The following NTRK3 variants were observed in gnomAD, a reference collection of about 807,000 sequenced individuals.
NTRK3 encodes NT-3 growth factor receptor.
NTRK3 carries 24 observed loss-of-function variants against 91.7 expected under a neutral mutation model. That is an observed-to-expected ratio of 0.26 (90% CI 0.19 to 0.37). NTRK3 has a LOEUF of 0.37. NTRK3 is among the 10% of genes least tolerant of loss of function. The probability of loss-of-function intolerance (pLI) is 1.00; values close to 1 mark genes in which losing one functional copy is unlikely to be tolerated. For synonymous variants in NTRK3, 483 were observed against 404.0 expected (o/e 1.20, Z -2.34); for missense variants, 880 against 1,068.9 (o/e 0.82, Z 2.46).
chr15:87,971,058 A>G (rs764950861), intron 14 of NTRK3, among the ~76,000 whole-genome samples: 21 of 152,210 alleles, frequency 1.4e-4, no homozygotes, highest in Non-Finnish European at 2.5e-4. Flanking sequence ...ATCTCCTGTT[A>G]TGGTAGCAAG....
At chr15:87,892,681 C>T (rs755781301) in intron 17 of NTRK3, among the ~76,000 whole-genome samples, 38 of 152,102 alleles carry the variant, frequency 2.5e-4, no homozygotes, top group Non-Finnish European at 4.0e-4. Context: ...AAACCAAAAA[C>T]ACTTAACATC....
chr15:88,030,531 A>G (rs1321467895), intron 14 of NTRK3, among the ~76,000 whole-genome samples: 1 of 152,214 alleles, frequency 6.6e-6, no homozygotes, highest in Non-Finnish European at 1.5e-5. Context: ...TGATCACGAG[A>G]TCATATTCTG....
At chr15:87,987,062 C>A (rs1313737191) in intron 14 of NTRK3, among the ~76,000 whole-genome samples, 1 of 152,248 alleles carries the variant, frequency 6.6e-6, no homozygotes, top group East Asian at 1.9e-4. Flanking sequence ...TCAGCATCAG[C>A]TGGTAGTTGG....
chr15:87,952,911 C>T (rs1210767913), intron 14 of NTRK3, among the ~76,000 whole-genome samples: 5 of 151,816 alleles, frequency 3.3e-5, no homozygotes, highest in Admixed American at 3.3e-4. Flanking sequence ...TGATGGGGAA[C>T]AAGGTCGGAG....
At chr15:88,093,317 G>A (rs1391064331) in intron 13 of NTRK3, among the ~76,000 whole-genome samples, 1 of 152,116 alleles carries the variant, frequency 6.6e-6, no homozygotes, top group Non-Finnish European at 1.5e-5. Flanking sequence ...AGGGGGGAAG[G>A]AAGAAAGGAA....
chr15:87,992,596 T>G (rs1416566778), intron 14 of NTRK3, among the ~76,000 whole-genome samples: 2 of 152,256 alleles, frequency 1.3e-5, no homozygotes, highest in African/African-American at 2.4e-5. Flanking sequence ...CTATAAGCAC[T>G]TTCACTTGCC....
chr15:87,912,437 G>C (rs997077491), intron 17 of NTRK3, among the ~76,000 whole-genome samples: 1 of 152,110 alleles, frequency 6.6e-6, no homozygotes, highest in South Asian at 2.1e-4. Flanking sequence ...ACAGTCTGGG[G>C]ATTGATCACT....
intron 15 of NTRK3, among the ~76,000 whole-genome samples, chr15:87,937,520 T>C (rs1435400): frequency 0.14 from 21,272 of 152,052 alleles, 1,652 homozygotes; most frequent in South Asian, 0.24. Flanking sequence ...AAACTAGAAA[T>C]TGTGACTACT....
At chr15:87,940,560 T>C in intron 15 of NTRK3, 63 bp downstream of exon 15, 2 of 1,609,788 alleles carry the variant, frequency 1.2e-6, no homozygotes, top group Non-Finnish European at 1.7e-6. Context: ...GGGAGCCTCT[T>C]CCTTCCCTCC....
At chr15:88,161,071 G>A (rs2044408133) in intron 5 of NTRK3, among the ~76,000 whole-genome samples, 2 of 152,214 alleles carry the variant, frequency 1.3e-5, no homozygotes, top group African/African-American at 4.8e-5. Flanking sequence ...GGTACTCAAT[G>A]CATGGCTGCT....
At chr15:88,062,389 A>T (rs2046299052) in intron 13 of NTRK3, among the ~76,000 whole-genome samples, 1 of 152,210 alleles carries the variant, frequency 6.6e-6, no homozygotes, top group Non-Finnish European at 1.5e-5. Context: ...TCTTCCCAAC[A>T]TAAAGACTAC....
intron 14 of NTRK3, among the ~76,000 whole-genome samples, chr15:88,019,881 G>C (rs1017942076): frequency 2.0e-5 from 3 of 152,300 alleles, no homozygotes; most frequent in Middle Eastern, 3.4e-3. Context: ...TGTACTTTCA[G>C]TCAAAAGGAT....
At chr15:88,007,565 C>A (rs1200259843) in intron 14 of NTRK3, among the ~76,000 whole-genome samples, 2 of 152,210 alleles carry the variant, frequency 1.3e-5, no homozygotes, top group African/African-American at 4.8e-5. Context: ...CCACAAGGAT[C>A]TGTTGTATCT....
rs1490360458 is a variant in NTRK3 at position 87,932,351 on chromosome 15, C to T, written c.1889+661G>A. Among the ~76,000 whole-genome samples the T allele has an allele frequency of 2.6e-5, 4 of 152,162 alleles. No individual in the cohort carries two copies. The East Asian group carries it at 7.7e-4, about 29-fold the overall frequency. ...GTAAAAACTAGCCACATGTGACTAA[C>T]AAGTAGTTGAAATATGGCTACTGCA... On this transcript the variant is annotated intron_variant, in intron 16 of 18. Coordinates refer to ENST00000394480, the Ensembl canonical transcript of NTRK3.
intron 10 of NTRK3, among the ~76,000 whole-genome samples, chr15:88,131,546 G>C (rs1376654341): frequency 1.3e-5 from 2 of 152,194 alleles, no homozygotes; most frequent in Non-Finnish European, 2.9e-5. Context: ...GACTGGGGCA[G>C]GGGGAGGATG....
At chr15:88,119,948 C>A (rs934088757) in intron 13 of NTRK3, among the ~76,000 whole-genome samples, 1 of 152,194 alleles carries the variant, frequency 6.6e-6, no homozygotes, top group African/African-American at 2.4e-5. Flanking sequence ...CTTCCAGTAC[C>A]AATTCCCCTG....
chr15:87,988,738 C>G (rs140767203), intron 14 of NTRK3, among the ~76,000 whole-genome samples: 377 of 152,196 alleles, frequency 2.5e-3, no homozygotes, highest in Non-Finnish European at 4.3e-3. Context: ...TATGAATACC[C>G]TTTGATGTTC....
At chr15:87,936,935 G>C (rs891234870) in intron 15 of NTRK3, among the ~76,000 whole-genome samples, 4 of 152,060 alleles carry the variant, frequency 2.6e-5, no homozygotes, top group African/African-American at 7.2e-5. Flanking sequence ...ACTCTATAAG[G>C]TCTGGTCTCC....
At chr15:87,880,509 G>C (rs2065181270) in intron 17 of NTRK3, 81 bp from the exon 19 acceptor site, 1 of 1,457,040 alleles carries the variant, frequency 6.9e-7, no homozygotes, top group Non-Finnish European at 9.5e-7. Flanking sequence ...TTCACACATA[G>C]ATGCACTCTT....
Sources: allele counts gnomAD v4.1 joint callset (sites outside exome capture counted in the v4.1 genomes callset), GRCh38; gene constraint gnomAD v4.1.1; transcripts MANE v1.5; gene names NCBI Gene and HGNC (gene_info 2026-07-23, HGNC 2026-07-21).